Variants in CRLF3 observed in about 807,000 individuals in gnomAD.
The protein encoded by CRLF3 is cytokine receptor like factor 3, also known as cytokine receptor-like factor 3.
CRLF3 carries 33 observed loss-of-function variants against 55.0 expected under a neutral mutation model. That is an observed-to-expected ratio of 0.60 (90% confidence interval 0.46 to 0.80). The LOEUF (loss-of-function observed/expected upper bound fraction) is 0.80. Among genes scored for constraint, CRLF3 ranks in the 30% least tolerant of loss-of-function variants. The pLI, the probability that CRLF3 is intolerant of heterozygous loss-of-function variation, is 0.00. For synonymous variants in CRLF3, 238 were observed against 196.8 expected (o/e 1.21, Z -1.75); for missense variants, 494 against 538.4 (o/e 0.92, Z 0.82).
At position 30,783,952 on chromosome 17, in the gene CRLF3, T is replaced by C; in HGVS notation, c.*235A>G. Reference sequence around the variant, plus strand: ...TATACTTTTAATGCCAATTTGATTTTTATTGTGATGTGATATTTAACAGTA... The same window carrying C: ...TATACTTTTAATGCCAATTTGATTTCTATTGTGATGTGATATTTAACAGTA... On this transcript the variant is annotated 3_prime_UTR_variant, in exon 8 of 8. Transcript: ENST00000324238. The C allele has an allele frequency of 2.2e-6, 1 of 448,148 alleles. No individual in the cohort carries two copies. Among genetic ancestry groups the C allele is most frequent in the Admixed American group, 3.9e-5 (1 of 25,372 alleles). 27.8% of individuals were successfully genotyped at this position (448,148 alleles called of 1,614,324 possible).
At chr17:30,784,473 A>G (rs1971588449) in intron 7 of CRLF3, 30 bp from the exon 8 acceptor site, 1 of 1,574,802 alleles carries the variant, frequency 6.3e-7, no homozygotes, top group South Asian at 1.1e-5. Flanking sequence ...AGTCATTTAC[A>G]TGTGAGCAAT....
At chr17:30,788,644 G>T (rs1297910576) in intron 6 of CRLF3, among the ~76,000 whole-genome samples, 2 of 112,604 alleles carry the variant, frequency 1.8e-5, no homozygotes, top group Non-Finnish European at 1.6e-5. Context: ...ATCTCACTCT[G>T]TTGCCCCGGC....
At chr17:30,817,568 A>G (rs1382448984) in intron 1 of CRLF3, among the ~76,000 whole-genome samples, 1 of 152,192 alleles carries the variant, frequency 6.6e-6, no homozygotes. Context: ...CATATACAGT[A>G]GTCTCTCAAC....
intron 4 of CRLF3, among the ~76,000 whole-genome samples, chr17:30,795,896 G>C (rs1046643647): frequency 3.3e-5 from 5 of 152,076 alleles, no homozygotes; most frequent in African/African-American, 4.8e-5. Flanking sequence ...CATGGAGGTT[G>C]CAGTAAGCCG....
chr17:30,823,390 T>TA (rs1266026672), intron 1 of CRLF3, among the ~76,000 whole-genome samples: 1 of 151,742 alleles, frequency 6.6e-6, no homozygotes, highest in African/African-American at 2.4e-5. Context: ...TATATATACA[T>TA]ACTTATATAT....
In CRLF3 at chr17:30,793,167, A is replaced by T. The variant is rs76672711; in HGVS notation, c.826+283T>A. Among the ~76,000 whole-genome samples the T allele has an allele frequency of 8.8e-3, 1,336 of 151,792 alleles. 19 individuals carry two copies. The highest frequency in any genetic ancestry group is 0.03 in the African/African-American group (1,252 of 41,388). ...AACTAACTAAATAACATTCAAATAT[A>T]AAAAAAAGAATAAAAAGGAATATCA... On this transcript the variant is annotated intron_variant, in intron 5 of 7. Transcript: ENST00000324238.
At chr17:30,818,424 A>G (rs969735010) in intron 1 of CRLF3, among the ~76,000 whole-genome samples, 5 of 151,872 alleles carry the variant, frequency 3.3e-5, no homozygotes, top group African/African-American at 1.2e-4. Context: ...AGTGGGAGAT[A>G]AAAGGAGCAA....
At chr17:30,790,418 G>A (rs553736646) in intron 6 of CRLF3, among the ~76,000 whole-genome samples, 2 of 152,030 alleles carry the variant, frequency 1.3e-5, no homozygotes, top group African/African-American at 4.8e-5. Flanking sequence ...CAAGAAAAAA[G>A]AAACTTTTCC....
intron 4 of CRLF3, among the ~76,000 whole-genome samples, chr17:30,794,327 C>T (rs1359768606): frequency 6.6e-6 from 1 of 152,060 alleles, no homozygotes; most frequent in African/African-American, 2.4e-5. Context: ...ACAGAACCCC[C>T]ATTAATTTTT....
At chr17:30,789,495 CTG>C (rs1649870968) in intron 6 of CRLF3, among the ~76,000 whole-genome samples, 1 of 152,156 alleles carries the variant, frequency 6.6e-6, no homozygotes, top group African/African-American at 2.4e-5. Flanking sequence ...AATAGAGAAA[CTG>C]TAGACTTCAA....
At position 30,783,598 on chromosome 17, in the gene CRLF3, CAA is replaced by C. The variant is rs1413797560; in HGVS notation, c.*587_*588del. ...CACCACTGCACTCCAGCCTGAGTGACAAGAGTGAGACTCCGTCTCAACAAAAA... is the reference window on the plus strand; with the variant it reads ...CACCACTGCACTCCAGCCTGAGTGACGAGTGAGACTCCGTCTCAACAAAAA... On this transcript the variant is annotated 3_prime_UTR_variant, in exon 8 of 8. Coordinates refer to ENST00000324238, the MANE Select transcript of CRLF3 (RefSeq NM_015986.4). 4 of 152,196 alleles carry C rather than the reference CAA, an allele frequency of 2.6e-5. No individual in the cohort carries two copies. Among genetic ancestry groups the C allele is most frequent in the East Asian group, 1.9e-4 (1 of 5,192 alleles). The allele number at this position is 152,196 out of a possible 1,614,324, so 9.4% of individuals were successfully genotyped here.
chr17:30,794,203 T>C (rs1309988590), intron 4 of CRLF3, among the ~76,000 whole-genome samples: 5 of 152,178 alleles, frequency 3.3e-5, no homozygotes, highest in African/African-American at 1.2e-4. Flanking sequence ...CTGCCTCCTT[T>C]GAAGAAATGG....
At chr17:30,823,674 T>C (rs2142279763) in intron 1 of CRLF3, among the ~76,000 whole-genome samples, 1 of 152,168 alleles carries the variant, frequency 6.6e-6, no homozygotes, top group Middle Eastern at 3.4e-3. Context: ...GCGGGTTATA[T>C]CTTTTTCTAT....
chr17:30,809,707 G>C (rs1382657566), intron 1 of CRLF3: 2 of 152,190 alleles, frequency 1.3e-5, no homozygotes, highest in Non-Finnish European at 2.9e-5. Context: ...CTGGAGAGCA[G>C]TGGTACAATC....
rs113370586 is a variant in CRLF3 at position 30,803,864 on chromosome 17, C to T, written c.337+37G>A. On this transcript the variant is annotated intron_variant, in intron 2 of 7. Coordinates refer to ENST00000324238, the MANE Select transcript of CRLF3 (RefSeq NM_015986.4). ...TCTTTATCAGCAGTGTGAAAATGGA[C>T]GAATGCACTAATACAACAGGCTCCC... 206 of 1,447,660 alleles carry T rather than the reference C, an allele frequency of 1.4e-4. 1 individual carries two copies. The African/African-American group carries it at 2.1e-3, about 15-fold the overall frequency. The allele number at this position is 1,447,660 out of a possible 1,614,324, so 89.7% of individuals were successfully genotyped here. A position where few individuals can be genotyped will look rare whatever the true frequency, so the allele number is the denominator to read the frequency against.
intron 1 of CRLF3, among the ~76,000 whole-genome samples, chr17:30,806,330 G>T (rs1022077514): frequency 6.6e-6 from 1 of 152,094 alleles, no homozygotes; most frequent in Non-Finnish European, 1.5e-5. Flanking sequence ...AATTCCCTCA[G>T]AGCCAAACCA....
chr17:30,810,843 T>A (rs542767706), intron 1 of CRLF3, among the ~76,000 whole-genome samples: 1 of 152,032 alleles, frequency 6.6e-6, no homozygotes, highest in African/African-American at 2.4e-5. Flanking sequence ...ATGCCTATAA[T>A]CCCGGCACTT....
intron 4 of CRLF3, among the ~76,000 whole-genome samples, chr17:30,794,634 C>T (rs2142253909): frequency 6.6e-6 from 1 of 152,058 alleles, no homozygotes; most frequent in Non-Finnish European, 1.5e-5. Flanking sequence ...CCCATCTCTA[C>T]AAAAAATTAC....
rs911060650 is a variant in CRLF3 at position 30,807,845 on chromosome 17, C to T, written c.130-3737G>A. Among the ~76,000 whole-genome samples, 11 of 152,012 alleles carry T rather than the reference C, an allele frequency of 7.2e-5. 1 individual carries two copies. Among genetic ancestry groups the T allele is most frequent in the African/African-American group, 1.7e-4 (7 of 41,414 alleles). ...CCCTTTTCTCTCCATTTGACATTAA[C>T]GCAGTTATAATAATATTTATGCAGT... On this transcript the variant is annotated intron_variant, in intron 1 of 7. Coordinates refer to ENST00000324238, the MANE Select transcript of CRLF3 (RefSeq NM_015986.4).
Sources: allele counts gnomAD v4.1 joint callset (sites outside exome capture counted in the v4.1 genomes callset), GRCh38; gene constraint gnomAD v4.1.1; transcripts MANE v1.5; gene names NCBI Gene and HGNC (gene_info 2026-07-23, HGNC 2026-07-21).